VGLL4: variants seen among roughly 807,000 people sequenced by gnomAD.
VGLL4 encodes the protein vestigial like family member 4, also known as transcription cofactor vestigial-like protein 4.
A neutral mutation model predicts 21.0 loss-of-function variants in VGLL4; 7 were observed. The ratio of observed to expected loss-of-function variants is 0.33; its 90% CI spans 0.19 to 0.63. The LOEUF is 0.63. Among genes scored for constraint, VGLL4 ranks in the 20% least tolerant of loss-of-function variants. The pLI, the probability that VGLL4 is intolerant of heterozygous loss-of-function variation, is 0.78. For missense variants in VGLL4, 394 were observed against 425.7 expected (o/e 0.93, Z 0.66); for synonymous variants, 222 against 173.2 (o/e 1.28, Z -2.21).
intron 2 of VGLL4, chr3:11,582,527 T>C (rs1345615157): frequency 1.6e-6 from 1 of 618,558 alleles, no homozygotes; most frequent in Non-Finnish European, 2.8e-6. Flanking sequence ...AGGGTTTATT[T>C]ATAGAGGGTG....
intron 2 of VGLL4, among the ~76,000 whole-genome samples, chr3:11,566,815 C>T (rs529602228): frequency 8.9e-4 from 135 of 152,314 alleles, no homozygotes; most frequent in African/African-American, 3.0e-3. Context: ...TCCTCACACA[C>T]GGCAGCCTCT....
chr3:11,558,952 A>T, intron 4 of VGLL4, 125 bp from the exon 5 acceptor site: 4 of 1,173,586 alleles, frequency 3.4e-6, no homozygotes, highest in Non-Finnish European at 3.6e-6. Flanking sequence ...TGGGCTCTGC[A>T]GACAGAACCC....
intron 3 of VGLL4, among the ~76,000 whole-genome samples, chr3:11,562,237 T>C (rs2073090393): frequency 6.6e-6 from 1 of 152,112 alleles, no homozygotes; most frequent in Non-Finnish European, 1.5e-5. Context: ...CTCTCCTCAC[T>C]GGCTGCTGCC....
At chr3:11,686,737 C>T (rs779445219) in intron 2 of VGLL4, among the ~76,000 whole-genome samples, 17 of 152,142 alleles carry the variant, frequency 1.1e-4, no homozygotes, top group Admixed American at 6.5e-5. Context: ...GTCCCTATGA[C>T]ATATAAATTC....
intron 2 of VGLL4, among the ~76,000 whole-genome samples, chr3:11,582,770 G>A (rs1231677815): frequency 3.9e-5 from 6 of 152,270 alleles, no homozygotes; most frequent in Middle Eastern, 3.4e-3. Flanking sequence ...GGCTGCAGCC[G>A]GCCCCTCAGA....
At chr3:11,680,671 G>A (rs929727701) in intron 2 of VGLL4, among the ~76,000 whole-genome samples, 2 of 152,136 alleles carry the variant, frequency 1.3e-5, no homozygotes, top group African/African-American at 4.8e-5. Flanking sequence ...AAACGTGCAC[G>A]ACTCACTCCA....
intron 2 of VGLL4, among the ~76,000 whole-genome samples, chr3:11,586,655 G>A (rs192787210): frequency 6.6e-6 from 1 of 152,196 alleles, no homozygotes; most frequent in Admixed American, 6.5e-5. Flanking sequence ...GATTTCCATA[G>A]GTTATCTGCA....
In VGLL4 at chr3:11,568,471, G is replaced by A. The variant is rs2073635428; in HGVS notation, c.273-3452C>T. 1 of 1,271,732 alleles carries A rather than the reference G, an allele frequency of 7.9e-7. No individual in the cohort carries two copies. The highest frequency in any genetic ancestry group is 1.1e-6 in the Non-Finnish European group (1 of 904,740). The allele number at this position is 1,271,732 out of a possible 1,614,324, so 78.8% of individuals were successfully genotyped here. A position where few individuals can be genotyped will look rare whatever the true frequency, so the allele number is the denominator to read the frequency against. On this transcript the variant is annotated intron_variant, in intron 2 of 4. Transcript: ENST00000430365. This position sits in a 1 kb window ranked among gnomAD's most constrained non-coding sequence, Gnocchi z 5.9. ...GGCAGCAGGGAGAAGGGGACTTCCA[G>A]GCCCACTAACTGGAAAGACAGTCCG... is the stretch of plus-strand genomic sequence containing the variant.
intron 2 of VGLL4, among the ~76,000 whole-genome samples, chr3:11,659,409 G>A (rs2346020): frequency 0.64 from 92,722 of 143,838 alleles, 29,389 homozygotes; most frequent in Non-Finnish European, 0.68. Context: ...TCGGCTCACC[G>A]CAACCTCCAC....
intron 2 of VGLL4, 81 bp downstream of exon 2, chr3:11,601,752 C>A: frequency 6.9e-7 from 1 of 1,456,474 alleles, no homozygotes; most frequent in South Asian, 1.2e-5. Context: ...ATGATAACAT[C>A]AGAATTAGCA....
chr3:11,702,570 A>T (rs1450145619), intron 2 of VGLL4: 1 of 152,110 alleles, frequency 6.6e-6, no homozygotes, highest in Non-Finnish European at 1.5e-5. Context: ...TGGAGGTTGC[A>T]GTGAGCCGAG....
chr3:11,712,598 GA>G (rs1211719199), intron 1 of VGLL4, among the ~76,000 whole-genome samples: 1 of 152,030 alleles, frequency 6.6e-6, no homozygotes, highest in African/African-American at 2.4e-5. Flanking sequence ...GAGGCACCAA[GA>G]ATGGAAGTGA....
chr3:11,628,301 T>C (rs1450684443), intron 1 of VGLL4, among the ~76,000 whole-genome samples: 1 of 151,612 alleles, frequency 6.6e-6, no homozygotes, highest in Non-Finnish European at 1.5e-5. Context: ...AGCAGGAGAA[T>C]GGCTTGAACC....
intron 2 of VGLL4, among the ~76,000 whole-genome samples, chr3:11,668,918 T>C (rs62245808): frequency 0.47 from 70,837 of 151,858 alleles, 17,430 homozygotes; most frequent in South Asian, 0.65. Flanking sequence ...ACATTTTACA[T>C]TTCATGCCAG....
chr3:11,650,556 T>C (rs2075855546), intron 2 of VGLL4, among the ~76,000 whole-genome samples: 1 of 152,308 alleles, frequency 6.6e-6, no homozygotes, highest in Non-Finnish European at 1.5e-5. Flanking sequence ...TAACATAACA[T>C]CTCCAAATAC....
intron 2 of VGLL4, among the ~76,000 whole-genome samples, chr3:11,683,677 C>G (rs193243321): frequency 6.6e-6 from 1 of 151,860 alleles, no homozygotes; most frequent in Non-Finnish European, 1.5e-5. Context: ...GCCTGTAATC[C>G]CAGCTACTCC....
intron 2 of VGLL4, chr3:11,582,448 G>A (rs1208971693): frequency 2.2e-6 from 3 of 1,385,136 alleles, no homozygotes; most frequent in South Asian, 1.3e-5. Flanking sequence ...CGAGGTAAGG[G>A]GCCTGCTTGC....
intron 2 of VGLL4, among the ~76,000 whole-genome samples, chr3:11,658,544 G>T (rs79176370): frequency 0.021 from 3,185 of 150,506 alleles, 120 homozygotes; most frequent in African/African-American, 0.073. Flanking sequence ...CAATATGTTT[G>T]CTGTTTTAAT....
At chr3:11,675,226 C>T (rs2076272909) in intron 2 of VGLL4, among the ~76,000 whole-genome samples, 1 of 152,134 alleles carries the variant, frequency 6.6e-6, no homozygotes, top group Non-Finnish European at 1.5e-5. Context: ...CCTGTAATCC[C>T]AGCTACTCAG....
Sources: gnomAD v4.1 joint callset for allele counts (sites outside exome capture counted in the v4.1 genomes callset) on GRCh38, gnomAD v4.1.1 for gene constraint, Gnocchi (gnomAD v3.1) non-coding constraint, MANE v1.5 for transcripts, NCBI Gene and HGNC (gene_info 2026-07-23, HGNC 2026-07-21) for gene names.